Variants in PPM1L observed in about 807,000 individuals in gnomAD.
PPM1L encodes protein phosphatase, Mg2+/Mn2+ dependent 1L.
A neutral mutation model predicts 31.4 loss-of-function variants in PPM1L; 13 were observed. The observed-to-expected ratio is 0.41, with a 90% CI of 0.27 to 0.66. The LOEUF (loss-of-function observed/expected upper bound fraction) is 0.66. Ranked by LOEUF, PPM1L falls within the 30% of genes least tolerant of loss-of-function variation. PPM1L has a pLI of 0.29. For synonymous variants in PPM1L, 184 were observed against 175.4 expected (o/e 1.05, Z -0.39); for missense variants, 326 against 453.7 (o/e 0.72, Z 2.56).
chr3:160,934,695 G>A (rs888257710), intron 1 of PPM1L, among the ~76,000 whole-genome samples: 1 of 152,068 alleles, frequency 6.6e-6, no homozygotes, highest in African/African-American at 2.4e-5. Flanking sequence ...GCTCACACCT[G>A]TAATCCCAGC....
chr3:161,057,062 C>CAA (rs11401280), intron 2 of PPM1L, among the ~76,000 whole-genome samples: 2 of 151,596 alleles, frequency 1.3e-5, no homozygotes, highest in African/African-American at 4.8e-5. Flanking sequence ...AACTCCATCT[C>CAA]AAAAAAATAA....
chr3:160,993,058 A>G (rs1284101744), intron 2 of PPM1L, among the ~76,000 whole-genome samples: 1 of 151,694 alleles, frequency 6.6e-6, no homozygotes, highest in African/African-American at 2.4e-5. Flanking sequence ...TACGGTGTAC[A>G]CTGGTGTTAC....
intron 1 of PPM1L, among the ~76,000 whole-genome samples, chr3:160,907,870 T>C (rs549459582): frequency 2.0e-5 from 3 of 152,076 alleles, no homozygotes; most frequent in Non-Finnish European, 4.4e-5. Context: ...TCCAAGGAGA[T>C]GAATACCCCA....
intron 2 of PPM1L, among the ~76,000 whole-genome samples, chr3:161,018,208 T>C (rs1167338245): frequency 5.3e-5 from 8 of 152,224 alleles, no homozygotes; most frequent in African/African-American, 1.7e-4. Context: ...GCCATCTTTA[T>C]AGAATTCTCC....
chr3:160,988,124 A>G (rs767437854), intron 2 of PPM1L, among the ~76,000 whole-genome samples: 7 of 152,140 alleles, frequency 4.6e-5, no homozygotes, highest in Non-Finnish European at 7.4e-5. Flanking sequence ...GCAAGAGAGG[A>G]GGAATAGGGC....
At chr3:160,888,556 A>T (rs1713017129) in intron 1 of PPM1L, among the ~76,000 whole-genome samples, 1 of 152,190 alleles carries the variant, frequency 6.6e-6, no homozygotes, top group African/African-American at 2.4e-5. Context: ...CTACAAAGAG[A>T]CTTAGACTCC....
chr3:161,013,553 A>G (rs2108065358), intron 2 of PPM1L, among the ~76,000 whole-genome samples: 1 of 152,276 alleles, frequency 6.6e-6, no homozygotes, highest in South Asian at 2.1e-4. Flanking sequence ...CTTGGTGCAG[A>G]GCTGAGTTCA....
intron 1 of PPM1L, among the ~76,000 whole-genome samples, chr3:160,856,122 C>T (rs377404153): frequency 3.2e-4 from 49 of 151,998 alleles, no homozygotes; most frequent in African/African-American, 4.3e-4. Flanking sequence ...GTTCCTCTGC[C>T]GGCTTTTATT....
chr3:160,911,358 C>T (rs1252917560), intron 1 of PPM1L, among the ~76,000 whole-genome samples: 1 of 152,170 alleles, frequency 6.6e-6, no homozygotes, highest in Non-Finnish European at 1.5e-5. Flanking sequence ...CACCAATCCT[C>T]AACCATAGCT....
chr3:161,055,505 C>T (rs747884644), intron 2 of PPM1L, among the ~76,000 whole-genome samples: 6 of 152,078 alleles, frequency 3.9e-5, no homozygotes, highest in Non-Finnish European at 5.9e-5. Flanking sequence ...AATTTCTGTC[C>T]GTTATCAGGC....
chr3:160,887,476 A>G (rs1011196158), intron 1 of PPM1L, among the ~76,000 whole-genome samples: 12 of 152,142 alleles, frequency 7.9e-5, no homozygotes, highest in African/African-American at 2.9e-4. Context: ...GCGAGAGAGA[A>G]AGACCAGGTC....
intron 1 of PPM1L, among the ~76,000 whole-genome samples, chr3:160,802,747 G>C (rs778444718): frequency 3.3e-5 from 5 of 152,302 alleles, no homozygotes; most frequent in Non-Finnish European, 5.9e-5. Context: ...GAAGACCTGA[G>C]TTTAAATTTC....
chr3:160,860,461 A>C (rs958993099), intron 1 of PPM1L, among the ~76,000 whole-genome samples: 2 of 152,182 alleles, frequency 1.3e-5, no homozygotes, highest in African/African-American at 4.8e-5. Context: ...TGTATCACAA[A>C]GACTGGGAAA....
intron 1 of PPM1L, among the ~76,000 whole-genome samples, chr3:160,881,625 A>G (rs528814468): frequency 4.0e-4 from 61 of 152,218 alleles, no homozygotes; most frequent in African/African-American, 1.3e-3. Flanking sequence ...GCTTTTGACT[A>G]TTCTCCCTGG....
At chr3:160,830,898 A>G (rs1713506639) in intron 1 of PPM1L, among the ~76,000 whole-genome samples, 1 of 152,222 alleles carries the variant, frequency 6.6e-6, no homozygotes, top group South Asian at 2.1e-4. Context: ...GCAGCTTTCT[A>G]ATTGTCCACT....
intron 2 of PPM1L, among the ~76,000 whole-genome samples, chr3:161,049,469 A>G (rs546361529): frequency 5.9e-5 from 9 of 152,154 alleles, no homozygotes; most frequent in Admixed American, 1.3e-4. Context: ...TGCTGCTAAA[A>G]CTAACTGCCT....
rs1004716905 is a variant in PPM1L at position 160,771,712 on chromosome 3, T to A, written c.399+15005T>A. On this transcript the variant is annotated intron_variant, in intron 1 of 3. Transcript: ENST00000498165. ...ATTCATTCCGATTATATTTTTGTAG[T>A]CAGTTTTAGGAAGATAATTGTAATG... Among the ~76,000 whole-genome samples the A allele has an allele frequency of 2.6e-5, 4 of 151,948 alleles. No homozygotes were observed. The South Asian group carries it at 8.3e-4, about 31-fold the overall frequency.
intron 1 of PPM1L, among the ~76,000 whole-genome samples, chr3:160,928,038 C>A (rs536906187): frequency 6.6e-6 from 1 of 152,238 alleles, no homozygotes; most frequent in East Asian, 1.9e-4. Context: ...AATCTACTTT[C>A]CTGTTGGGAG....
At chr3:161,064,376 G>GA (rs11369193) in intron 2 of PPM1L, among the ~76,000 whole-genome samples, 30,490 of 144,832 alleles carry the variant, frequency 0.21, 3,189 homozygotes, top group East Asian at 0.29. Context: ...CTTAAAAAAA[G>GA]AAAAAAAAAA....
Sources: gnomAD v4.1 joint callset for allele counts (sites outside exome capture counted in the v4.1 genomes callset) on GRCh38, gnomAD v4.1.1 for gene constraint, MANE v1.5 for transcripts, NCBI Gene and HGNC (gene_info 2026-07-23, HGNC 2026-07-21) for gene names.